The following TARBP1 variants were observed in gnomAD, a reference collection of about 807,000 sequenced individuals.
TARBP1 encodes tRNA (guanosine(18)-2'-O)-methyltransferase TARBP1.
Under a neutral mutation model 178.6 loss-of-function variants are expected in TARBP1, and 144 were observed. The observed-to-expected ratio is 0.81, with a 90% CI of 0.70 to 0.93. The LOEUF (loss-of-function observed/expected upper bound fraction) is 0.93, where lower values mean the gene tolerates loss of function less well. Ranked by LOEUF, TARBP1 falls within the 40% of genes least tolerant of loss-of-function variation. The pLI, the probability that TARBP1 is intolerant of heterozygous loss-of-function variation, is 0.00. For missense variants in TARBP1, 2,067 were observed against 2,011.7 expected (o/e 1.03, Z -0.53); for synonymous variants, 787 against 781.0 (o/e 1.01, Z -0.13).
chr1:234,454,812 G>C (rs1478926430), intron 9 of TARBP1, among the ~76,000 whole-genome samples: 1 of 152,132 alleles, frequency 6.6e-6, no homozygotes. Flanking sequence ...CCTAATCCCG[G>C]AACCTGTGAA....
At chr1:234,449,975 T>C (rs2103220327) in intron 10 of TARBP1, among the ~76,000 whole-genome samples, 1 of 152,300 alleles carries the variant, frequency 6.6e-6, no homozygotes, top group Middle Eastern at 3.4e-3. Context: ...AACAAAACTA[T>C]CCTTTTAAAC....
At chr1:234,451,855 T>G (rs1666812320) in intron 9 of TARBP1, among the ~76,000 whole-genome samples, 1 of 151,168 alleles carries the variant, frequency 6.6e-6, no homozygotes, top group African/African-American at 2.4e-5. Context: ...CTAAAGGAGG[T>G]TGTTCTGTGT....
chr1:234,404,313 TC>T (rs1188624412), intron 24 of TARBP1, among the ~76,000 whole-genome samples: 1 of 152,200 alleles, frequency 6.6e-6, no homozygotes, highest in African/African-American at 2.4e-5. Context: ...ATACCCTCTG[TC>T]CCCTGGTTAC....
chr1:234,408,230 C>A (rs567165372), intron 23 of TARBP1, among the ~76,000 whole-genome samples: 60 of 151,106 alleles, frequency 4.0e-4, no homozygotes, highest in African/African-American at 1.4e-3. Flanking sequence ...TATAGGAACA[C>A]TTCGTGCTCT....
At chr1:234,437,710 G>A (rs942392792) in intron 12 of TARBP1, among the ~76,000 whole-genome samples, 1 of 152,190 alleles carries the variant, frequency 6.6e-6, no homozygotes, top group Non-Finnish European at 1.5e-5. Context: ...CTGAACAGTG[G>A]TGAGTTTACT....
chr1:234,460,231 C>T, intron 7 of TARBP1, 30 bp downstream of exon 7: 2 of 1,577,998 alleles, frequency 1.3e-6, no homozygotes, highest in Admixed American at 1.9e-5. Context: ...TGGCAAATAA[C>T]CATACAAGTA....
chr1:234,392,053 G>C (rs899477603), intron 29 of TARBP1, among the ~76,000 whole-genome samples: 1 of 152,190 alleles, frequency 6.6e-6, no homozygotes, highest in Admixed American at 6.5e-5. Context: ...CAGGAGTCAG[G>C]GTAAACTGTA....
At chr1:234,398,595 A>T in intron 25 of TARBP1, 42 bp from the exon 26 acceptor site, 4 of 1,406,236 alleles carry the variant, frequency 2.8e-6, no homozygotes, top group Non-Finnish European at 3.8e-6. Flanking sequence ...TCCCTTAAGA[A>T]TAACAAAGAA....
At position 234,479,054 on chromosome 1, in the gene TARBP1, C is replaced by G; in HGVS notation, c.50G>C (p.Arg17Pro). Residue 17 changes from arginine (R) to proline (P), a missense_variant, in exon 1 of 30, where the codon CGG (arginine) becomes CCG (proline). Physicochemically the swap from Arg to Pro is moderately radical, Grantham distance 103 (BLOSUM62 -2). Coordinates refer to ENST00000040877, the MANE Select transcript of TARBP1 (RefSeq NM_005646.4). ...EALLSQSRDPRALLGALCQGE... is the reference protein window; with the variant it reads ...EALLSQSRDPPALLGALCQGE... ...TTGGCACAGCGCCCCAAGCAGGGCC[C>G]GGGGGTCCCGGCTCTGCGAGAGCAG... 6.5e-7 allele frequency: 1 copy of G among 1,539,528 alleles called. No individual in the cohort carries two copies. The highest frequency in any genetic ancestry group is 8.6e-7 in the Non-Finnish European group (1 of 1,156,138).
At chr1:234,453,990 C>G (rs887752861) in intron 9 of TARBP1, among the ~76,000 whole-genome samples, 39 of 152,006 alleles carry the variant, frequency 2.6e-4, no homozygotes, top group African/African-American at 9.4e-4. Flanking sequence ...ATTACAGAAC[C>G]GAAAAATTAA....
intron 21 of TARBP1, among the ~76,000 whole-genome samples, chr1:234,419,584 G>A (rs776572921): frequency 1.3e-5 from 2 of 152,126 alleles, no homozygotes; most frequent in African/African-American, 4.8e-5. Context: ...GTGCCCGCTC[G>A]GACATTTCCC....
intron 1 of TARBP1, among the ~76,000 whole-genome samples, chr1:234,474,944 C>A (rs1456437932): frequency 2.6e-5 from 4 of 152,188 alleles, no homozygotes; most frequent in Non-Finnish European, 5.9e-5. Context: ...GGAAGGAAGG[C>A]GCTCCAAGAA....
rs1254089749 is a variant in TARBP1 at position 234,443,290 on chromosome 1, C to CAA, written c.2134+3511_2134+3512dup. On this transcript the variant is annotated intron_variant, in intron 12 of 29. Transcript: ENST00000040877. ...GGGAAACAAGAGCGAAACTCCGTCT[C>CAA]AAAAAAAAAAAAAAAAAATTATGGT... 4.7e-4 allele frequency among the ~76,000 whole-genome samples: 36 copies of CAA among 76,252 alleles called. 2 individuals are homozygous for CAA. The highest frequency in any genetic ancestry group is 2.9e-3 in the South Asian group (7 of 2,396). 50.0% of individuals were successfully genotyped at this position (76,252 alleles called of 152,430 possible). A position where few individuals can be genotyped will look rare whatever the true frequency, so the allele number is the denominator to read the frequency against.
chr1:234,407,912 T>C (rs1477764213), intron 23 of TARBP1: 1 of 152,212 alleles, frequency 6.6e-6, no homozygotes, highest in African/African-American at 2.4e-5. Context: ...TGGTTCGTTT[T>C]ATTGGAGAAT....
At chr1:234,448,205 C>T (rs749189285) in intron 11 of TARBP1, among the ~76,000 whole-genome samples, 4 of 152,188 alleles carry the variant, frequency 2.6e-5, no homozygotes, top group Non-Finnish European at 5.9e-5. Context: ...TCCCAAAGTG[C>T]TGGGATTACA....
chr1:234,441,227 G>A (rs1269697143), intron 12 of TARBP1, among the ~76,000 whole-genome samples: 1 of 152,124 alleles, frequency 6.6e-6, no homozygotes, highest in African/African-American at 2.4e-5. Context: ...TGCATTAAAA[G>A]TTTCAGCATA....
At chr1:234,477,254 G>C (rs939593377) in intron 1 of TARBP1, among the ~76,000 whole-genome samples, 1 of 152,152 alleles carries the variant, frequency 6.6e-6, no homozygotes, top group Admixed American at 6.5e-5. Context: ...TTTAATTTTT[G>C]ATGATTTAAA....
rs1440830796 is a variant in TARBP1 at position 234,478,402 on chromosome 1, G to A, written c.702C>T (p.Ser234=). Residue 234 remains serine (S), a synonymous_variant, in exon 1 of 30, where the codon AGC becomes AGT. Transcript: ENST00000040877. ...CGGGCAACAGCTTCTCGGCCAGGGC[G>A]CTCAGGACCAGCAGCTTCTCCTCTA... ...GRVEEKLLVL[S]ALAEKLLPEP... 5.1e-6 allele frequency: 7 copies of A among 1,363,848 alleles called. No individual in the cohort carries two copies. The highest frequency in any genetic ancestry group is 6.6e-6 in the Non-Finnish European group (7 of 1,053,520). The allele number at this position is 1,363,848 out of a possible 1,614,324, so 84.5% of individuals were successfully genotyped here.
rs1203726806 is a variant in TARBP1 at position 234,478,603 on chromosome 1, G to C, written c.501C>G (p.Ala167=). Residue 167 remains alanine (A), a synonymous_variant, in exon 1 of 30, where the codon GCC becomes GCG. Transcript: ENST00000040877. ...CGCCCCCGCCCAGCGCCAGGGCGAC[G>C]GCGGTCCCCGCCACGCGCTCCAGTA... is the stretch of plus-strand genomic sequence containing the variant. ...GPLLERVAGT[A]VALALGGGGD... 3 of 1,299,424 alleles carry C rather than the reference G, an allele frequency of 2.3e-6. No individual in the cohort carries two copies. The highest frequency in any genetic ancestry group is 2.9e-6 in the Non-Finnish European group (3 of 1,025,494). The allele number at this position is 1,299,424 out of a possible 1,614,324, so 80.5% of individuals were successfully genotyped here. A position where few individuals can be genotyped will look rare whatever the true frequency, so the allele number is the denominator to read the frequency against.
Sources: allele counts gnomAD v4.1 joint callset (sites outside exome capture counted in the v4.1 genomes callset), GRCh38; gene constraint gnomAD v4.1.1; transcripts MANE v1.5; gene names NCBI Gene and HGNC (gene_info 2026-07-23, HGNC 2026-07-21).